Variants in HTT observed in about 807,000 individuals in gnomAD.
HTT encodes huntingtin, also known as huntington disease protein.
A neutral mutation model predicts 362.3 loss-of-function variants in HTT; 104 were observed. That is an observed-to-expected ratio of 0.29 (90% confidence interval 0.24 to 0.34). The LOEUF (loss-of-function observed/expected upper bound fraction) is 0.34. HTT is among the 10% of genes least tolerant of loss of function. The probability of loss-of-function intolerance (pLI) is 1.00; values close to 1 mark genes in which losing one functional copy is unlikely to be tolerated. For missense variants in HTT, 3,301 were observed against 3,928.6 expected (o/e 0.84, Z 4.27); for synonymous variants, 1,577 against 1,548.7 (o/e 1.02, Z -0.43).
chr4:3,126,648 G>A (rs1715532808), intron 11 of HTT, among the ~76,000 whole-genome samples: 1 of 152,050 alleles, frequency 6.6e-6, no homozygotes, highest in African/African-American at 2.4e-5. Flanking sequence ...CATGCTTACC[G>A]ACCCAACTGC....
At position 3,228,122 on chromosome 4, in the gene HTT, C is replaced by T. The variant is rs990064115; in HGVS notation, c.7849-493C>T. ...ACTGTGCCAAGTGCTCGAGGCTTCC[C>T]GAGAACCAGGCAGAAAGGAGGACAG... On this transcript the variant is annotated intron_variant, in intron 57 of 66. Transcript: ENST00000355072. This position sits in a 1 kb window ranked among gnomAD's most constrained non-coding sequence, Gnocchi z 4.3. Among the ~76,000 whole-genome samples, 17 of 152,166 alleles carry T rather than the reference C, an allele frequency of 1.1e-4. No individual in the cohort carries two copies. The highest frequency in any genetic ancestry group is 2.6e-4 in the Admixed American group (4 of 15,282).
intron 6 of HTT, among the ~76,000 whole-genome samples, chr4:3,108,963 G>A (rs552671690): frequency 5.9e-5 from 9 of 152,030 alleles, no homozygotes; most frequent in Admixed American, 6.5e-5. Context: ...CAGGAGGCTC[G>A]GTTGAGCCCA....
chr4:3,238,795 A>C, intron 65 of HTT, 23 bp from the exon 66 acceptor site: 1 of 1,532,046 alleles, frequency 6.5e-7, no homozygotes, highest in East Asian at 2.4e-5. Context: ...CCTGACACTC[A>C]GGCACCTGCT....
intron 36 of HTT, 116 bp downstream of exon 36, chr4:3,180,767 C>T: frequency 2.0e-6 from 1 of 487,844 alleles, no homozygotes; most frequent in African/African-American, 2.4e-5. Flanking sequence ...CAGGTTTGGG[C>T]TTTCTGGGGC....
chr4:3,140,628 T>C lies in HTT; in HGVS notation c.2917T>C (p.Ser973Pro), dbSNP rs1029517943. 6.2e-7 allele frequency: 1 copy of C among 1,614,036 alleles called. No homozygotes were observed. The highest frequency in any genetic ancestry group is 1.3e-5 in the African/African-American group (1 of 74,934). The part of the protein sequence containing the change: ...KLLMHETQPP[S>P]HFSVSTITRI... Reference sequence around the variant, plus strand: ...TCTCATGCATGAGACGCAGCCTCCATCTCATTTCTCCGTCAGCACAATAAC... The same window carrying C: ...TCTCATGCATGAGACGCAGCCTCCACCTCATTTCTCCGTCAGCACAATAAC... Residue 973 changes from serine to proline, a missense_variant, in exon 22 of 67, where the codon TCT becomes CCT. Physicochemically the swap from Ser to Pro is moderately conservative, Grantham distance 74. Around this residue, in one of 4 missense-constraint regions of HTT, gnomAD observed 2,316 missense variants for 2,658.5 expected, o/e 0.87. Transcript: ENST00000355072.
At chr4:3,221,592 C>A (rs569959453) in intron 53 of HTT, among the ~76,000 whole-genome samples, 1 of 152,312 alleles carries the variant, frequency 6.6e-6, no homozygotes, top group African/African-American at 2.4e-5. Flanking sequence ...CCCCGTTTAT[C>A]ACGGGGACCC....
chr4:3,183,313 GC>G (rs1718614134), intron 37 of HTT, among the ~76,000 whole-genome samples: 1 of 152,240 alleles, frequency 6.6e-6, no homozygotes, highest in Admixed American at 6.5e-5. Context: ...AGGCCACTGT[GC>G]CCCCAGTGTA....
rs568588014 is a variant in HTT at position 3,084,613 on chromosome 4, C to A, written c.264-2326C>A. On this transcript the variant is annotated intron_variant, in intron 1 of 66. Transcript: ENST00000355072. ...GCTGAGGCAAGAGAACTGCTTGAAC[C>A]CGAGGGGCAGAGGTTGCAGTGAGCT... 2.6e-5 allele frequency among the ~76,000 whole-genome samples: 4 copies of A among 151,352 alleles called. No individual in the cohort carries two copies. In the South Asian group the frequency reaches 6.3e-4, roughly 24 times the overall value.
chr4:3,210,460 G>A (rs1265888253), intron 47 of HTT, among the ~76,000 whole-genome samples: 1 of 152,178 alleles, frequency 6.6e-6, no homozygotes, highest in Non-Finnish European at 1.5e-5. Flanking sequence ...TGGATGCAGC[G>A]AGATTTCCTC....
chr4:3,204,263 A>G, intron 42 of HTT, 115 bp downstream of exon 42: 2 of 941,944 alleles, frequency 2.1e-6, no homozygotes, highest in Non-Finnish European at 3.3e-6. Context: ...TGTCCTGCCA[A>G]GCTCCATCGA....
At position 3,177,375 on chromosome 4, in the gene HTT, T is replaced by C. The variant is rs1373328313; in HGVS notation, c.4451T>C (p.Val1484Ala). 1.3e-6 allele frequency: 2 copies of C among 1,597,962 alleles called. No individual in the cohort carries two copies. The highest frequency in any genetic ancestry group is 1.3e-5 in the African/African-American group (1 of 74,278). ...TTGAAACAGTTTGAATACATTGAAG[T>C]GGGCCAGTTCAGGTAATAGCATTTT... ...FVLKQFEYIE[V>A]GQFRESEAII... The change falls in exon 34 of 67, where the codon GTG becomes GCG. Residue 1484 changes from valine to alanine, a missense_variant. Val to Ala is a moderately conservative substitution (Grantham distance 64). Coordinates refer to ENST00000355072, the MANE Select transcript of HTT (RefSeq NM_001388492.1).
intron 19 of HTT, among the ~76,000 whole-genome samples, chr4:3,134,760 TG>T (rs751137016): frequency 2.6e-5 from 4 of 152,184 alleles, no homozygotes; most frequent in Admixed American, 6.5e-5. Flanking sequence ...GACAAGATCT[TG>T]CTCTGTCGCC....
At chr4:3,164,652 T>C (rs1717611352) in intron 29 of HTT, among the ~76,000 whole-genome samples, 1 of 152,236 alleles carries the variant, frequency 6.6e-6, no homozygotes, top group African/African-American at 2.4e-5. Context: ...TCTTGTTGAA[T>C]TGATCCCTTT....
intron 1 of HTT, among the ~76,000 whole-genome samples, chr4:3,075,485 A>G (rs1304239454): frequency 6.6e-6 from 1 of 152,274 alleles, no homozygotes; most frequent in East Asian, 1.9e-4. Context: ...GAGAACTTGG[A>G]GGAGCCGAGA....
chr4:3,140,165 G>A (rs1175170509), intron 21 of HTT, among the ~76,000 whole-genome samples: 1 of 151,920 alleles, frequency 6.6e-6, no homozygotes. Flanking sequence ...GGAGGCTGAG[G>A]CAGGAGAATC....
intron 41 of HTT, among the ~76,000 whole-genome samples, chr4:3,200,614 G>C (rs1719482349): frequency 6.6e-6 from 1 of 152,210 alleles, no homozygotes; most frequent in Admixed American, 6.5e-5. Context: ...GGAGACAAAA[G>C]AGGGCAGGTG....
rs1334321248 is a variant in HTT, at chr4:3,209,875, T to A, written c.6340T>A (p.Ser2114Thr). 3 of 1,614,104 alleles carry A rather than the reference T, an allele frequency of 1.9e-6. No homozygotes were observed. Among genetic ancestry groups the A allele is most frequent in the South Asian group, 1.1e-5 (1 of 91,078 alleles). The change falls in exon 47 of 67, where the codon TCT becomes ACT. Residue 2114 changes from serine to threonine, a missense_variant. Ser to Thr is a moderately conservative substitution (Grantham distance 58). This residue lies in a region of HTT where 2,316 missense variants were observed against 2,658.5 expected (regional missense o/e 0.87). Transcript: ENST00000355072. ...VKSQCWTRSD[S>T]ALLEGAELVN... ...ATCCCAGTGTTGGACCAGGTCAGAT[T>A]CTGCACTGCTGGAAGGTGCAGAGCT...
In HTT at chr4:3,174,905, C is replaced by T. The variant is rs41264731; in HGVS notation, c.4246-41C>T. 5.7e-3 allele frequency: 8,815 copies of T among 1,550,606 alleles called. 39 individuals carry two copies. Among genetic ancestry groups the T allele is most frequent in the Non-Finnish European group, 7.1e-3 (8,050 of 1,135,816 alleles). On this transcript the variant is annotated intron_variant, in intron 32 of 66. Coordinates refer to ENST00000355072, the MANE Select transcript of HTT (RefSeq NM_001388492.1). ...TTTGCTTGAAGCTTTTAGTTGAAGG[C>T]TTACTTATGGATTCTTTCTTTCTTT...
At position 3,212,054 on chromosome 4, in the gene HTT, G is replaced by A. The variant is rs1720182978; in HGVS notation, c.6540G>A (p.Val2180=). The part of the protein sequence containing the change: ...EVTLARVSGT[V]QQLPAVHHVF... Reference sequence around the variant, plus strand: ...CTCTGGCCCGTGTGAGCGGCACCGTGCAGCAGCTCCCTGCTGTCCATCATG... The same window carrying A: ...CTCTGGCCCGTGTGAGCGGCACCGTACAGCAGCTCCCTGCTGTCCATCATG... Residue 2180 remains valine, a synonymous_variant, in exon 48 of 67, where the codon GTG becomes GTA. Transcript: ENST00000355072. 2 of 1,614,072 alleles carry A rather than the reference G, an allele frequency of 1.2e-6. No individual in the cohort carries two copies. The highest frequency in any genetic ancestry group is 2.7e-5 in the African/African-American group (2 of 74,924).
Sources: gnomAD v4.1 joint callset for allele counts (sites outside exome capture counted in the v4.1 genomes callset) on GRCh38, gnomAD v4.1.1 for gene constraint, gnomAD v4.1.1 regional missense constraint, Gnocchi (gnomAD v3.1) non-coding constraint, MANE v1.5 for transcripts, NCBI Gene and HGNC (gene_info 2026-07-23, HGNC 2026-07-21) for gene names.